AGMO: variants seen among roughly 807,000 people sequenced by gnomAD.
The protein encoded by AGMO is alkylglycerol monooxygenase, also known as glyceryl-ether monooxygenase.
AGMO carries 75 observed loss-of-function variants against 60.2 expected under a neutral mutation model. That is an observed-to-expected ratio of 1.25 (90% confidence interval 1.03 to 1.51). The LOEUF (loss-of-function observed/expected upper bound fraction) is 1.51. Among genes scored for constraint, AGMO ranks in the 40% most tolerant of loss-of-function variants. The pLI, the probability that AGMO is intolerant of heterozygous loss-of-function variation, is 0.00. For missense variants in AGMO, 763 were observed against 525.5 expected (o/e 1.45, Z -4.42); for synonymous variants, 261 against 177.1 (o/e 1.47, Z -3.76).
intron 12 of AGMO, among the ~76,000 whole-genome samples, chr7:15,263,798 T>C (rs1327562886): frequency 2.6e-5 from 4 of 152,148 alleles, no homozygotes; most frequent in African/African-American, 9.7e-5. Context: ...TTATTCTCAG[T>C]GAAGTAACTC....
At chr7:15,485,203 G>T (rs1447457825) in intron 3 of AGMO, among the ~76,000 whole-genome samples, 1 of 149,680 alleles carries the variant, frequency 6.7e-6, no homozygotes, top group Non-Finnish European at 1.5e-5. Context: ...CTGAACCCCA[G>T]CTACTATGGA....
chr7:15,516,728 C>T (rs12333780), intron 3 of AGMO, among the ~76,000 whole-genome samples: 1,984 of 152,072 alleles, frequency 0.013, 28 homozygotes, highest in African/African-American at 0.041. Context: ...ACAGGAGACT[C>T]AGCCCTTGGG....
At chr7:15,234,532 T>C (rs1017064412) in intron 12 of AGMO, among the ~76,000 whole-genome samples, 7 of 152,182 alleles carry the variant, frequency 4.6e-5, no homozygotes, top group African/African-American at 1.4e-4. Context: ...CCAATCTCTT[T>C]TTGGTTTTGT....
At chr7:15,274,749 T>C (rs1285036694) in intron 12 of AGMO, among the ~76,000 whole-genome samples, 1 of 151,896 alleles carries the variant, frequency 6.6e-6, no homozygotes, top group Non-Finnish European at 1.5e-5. Flanking sequence ...TTACTAGTTA[T>C]TGGCATATTG....
chr7:15,129,113 G>A, the AGMO span, among the ~76,000 whole-genome samples: 1 of 152,106 alleles, frequency 6.6e-6, no homozygotes, highest in Non-Finnish European at 1.5e-5. Flanking sequence ...GCAGGTAAGA[G>A]AGGGGGAAAG....
At chr7:15,345,671 C>T (rs868443646) in intron 12 of AGMO, among the ~76,000 whole-genome samples, 16 of 152,100 alleles carry the variant, frequency 1.1e-4, no homozygotes, top group Non-Finnish European at 7.4e-5. Flanking sequence ...TAAATATTTA[C>T]CATGTACCCT....
At chr7:15,259,286 T>C (rs769095233) in intron 12 of AGMO, among the ~76,000 whole-genome samples, 32 of 151,638 alleles carry the variant, frequency 2.1e-4, no homozygotes, top group African/African-American at 7.0e-4. Flanking sequence ...AGCAATAGAA[T>C]TGAACAAGCA....
At chr7:15,422,422 C>T (rs1780951088) in intron 4 of AGMO, among the ~76,000 whole-genome samples, 1 of 151,760 alleles carries the variant, frequency 6.6e-6, no homozygotes, top group African/African-American at 2.4e-5. Flanking sequence ...TGTCACCAAC[C>T]TAAGGATTAG....
intron 3 of AGMO, among the ~76,000 whole-genome samples, chr7:15,445,771 G>A (rs1442122475): frequency 6.6e-6 from 1 of 152,066 alleles, no homozygotes; most frequent in East Asian, 1.9e-4. Flanking sequence ...GACATGTAGG[G>A]ATGTTCATAT....
intron 12 of AGMO, among the ~76,000 whole-genome samples, chr7:15,258,190 T>C (rs1783157536): frequency 6.6e-6 from 1 of 152,232 alleles, no homozygotes; most frequent in Admixed American, 6.5e-5. Context: ...ATCTTAATAC[T>C]TTTTTATGGC....
rs60768255 is a variant in AGMO, at chr7:15,426,610, G to T, written c.513+4395C>A. Among the ~76,000 whole-genome samples the T allele has an allele frequency of 2.6e-5, 4 of 152,108 alleles. No homozygotes were observed. In the East Asian group the frequency reaches 7.8e-4, roughly 30 times the overall value. On this transcript the variant is annotated intron_variant, in intron 4 of 12. Coordinates refer to ENST00000342526, the MANE Select transcript of AGMO (RefSeq NM_001004320.2). ...CAAAATACAAAAAAATTAGCTGGGC[G>T]TGGTGGTGCCCACCTGTAATCCCAG...
At chr7:15,457,421 TA>T (rs1239267681) in intron 3 of AGMO, among the ~76,000 whole-genome samples, 3 of 152,180 alleles carry the variant, frequency 2.0e-5, no homozygotes, top group African/African-American at 7.2e-5. Flanking sequence ...GCAAACTTCC[TA>T]ACAACATCCA....
chr7:15,468,485 C>T (rs1032766522), intron 3 of AGMO, among the ~76,000 whole-genome samples: 48 of 152,080 alleles, frequency 3.2e-4, no homozygotes, highest in African/African-American at 1.1e-3. Flanking sequence ...CATAGCTGTA[C>T]ATGTTTTAAA....
chr7:15,518,086 A>T (rs1783870982), intron 3 of AGMO, among the ~76,000 whole-genome samples: 1 of 152,180 alleles, frequency 6.6e-6, no homozygotes, highest in South Asian at 2.1e-4. Flanking sequence ...CAGCTTGGCA[A>T]AGCCACTGTA....
At chr7:15,443,261 GC>G (rs1377776889) in intron 3 of AGMO, among the ~76,000 whole-genome samples, 10 of 152,136 alleles carry the variant, frequency 6.6e-5, no homozygotes, top group African/African-American at 2.2e-4. Context: ...GGTAACACAT[GC>G]CCACTGCGGC....
chr7:15,146,383 G>GA, the AGMO span, among the ~76,000 whole-genome samples: 1 of 152,060 alleles, frequency 6.6e-6, no homozygotes, highest in Non-Finnish European at 1.5e-5. Context: ...ATTACCCAAA[G>GA]AAAGAAAAAT....
In AGMO at chr7:15,274,654, C is replaced by T. The variant is rs950461108; in HGVS notation, c.1264-73295G>A. ...GTAAGTTTGGTACCAGTACTTTGTA[C>T]ATTTGGTAGAAGTTCAGTTGTGGAT... On this transcript the variant is annotated intron_variant, in intron 12 of 12. Transcript: ENST00000342526. 3.8e-4 allele frequency among the ~76,000 whole-genome samples: 57 copies of T among 148,516 alleles called. No homozygotes were observed. In the Middle Eastern group the frequency reaches 0.011, roughly 28 times the overall value.
chr7:15,343,573 T>C (rs1371978293), intron 12 of AGMO, among the ~76,000 whole-genome samples: 3 of 152,158 alleles, frequency 2.0e-5, no homozygotes, highest in Admixed American at 2.0e-4. Context: ...AAATATAATT[T>C]GAAAGATCAA....
intron 4 of AGMO, among the ~76,000 whole-genome samples, chr7:15,425,763 G>C (rs995152811): frequency 5.3e-5 from 8 of 151,858 alleles, no homozygotes; most frequent in South Asian, 2.1e-4. Context: ...TTTTTCTGAT[G>C]GTGGGTAAAA....
Sources: allele counts gnomAD v4.1 joint callset (sites outside exome capture counted in the v4.1 genomes callset), GRCh38; gene constraint gnomAD v4.1.1; transcripts MANE v1.5; gene names NCBI Gene and HGNC (gene_info 2026-07-23, HGNC 2026-07-21).